The following LTBP4 variants were observed in gnomAD, a reference collection of about 807,000 sequenced individuals.
The protein encoded by LTBP4 is latent-transforming growth factor beta-binding protein 4.
In LTBP4, 93 loss-of-function variants were observed where a neutral mutation model predicts 180.2. The observed-to-expected ratio is 0.52, with a 90% CI of 0.44 to 0.61. The LOEUF (loss-of-function observed/expected upper bound fraction) is 0.61, where lower values mean the gene tolerates loss of function less well. Among genes scored for constraint, LTBP4 ranks in the 20% least tolerant of loss-of-function variants. The probability of loss-of-function intolerance (pLI) is 0.00; values close to 1 mark genes in which losing one functional copy is unlikely to be tolerated. For missense variants in LTBP4, 2,116 were observed against 2,256.5 expected (o/e 0.94, Z 1.26); for synonymous variants, 947 against 934.5 (o/e 1.01, Z -0.24).
chr19:40,610,041 G>C, intron 11 of LTBP4, 170 bp downstream of exon 11: 1 of 926,620 alleles, frequency 1.1e-6, no homozygotes, highest in Non-Finnish European at 1.5e-6. Context: ...CCCAGCTCCA[G>C]CCTCCCTTTG....
At chr19:40,596,169 C>T (rs888189140) in intron 1 of LTBP4, among the ~76,000 whole-genome samples, 1 of 152,102 alleles carries the variant, frequency 6.6e-6, no homozygotes. Context: ...ATCCACCCGC[C>T]TCGGCCTCCC....
intron 26 of LTBP4, among the ~76,000 whole-genome samples, chr19:40,625,224 C>T (rs911827493): frequency 4.7e-5 from 6 of 128,832 alleles, no homozygotes; most frequent in South Asian, 2.5e-4. Flanking sequence ...TCCAGGAGCC[C>T]GCCACCAAGC....
chr19:40,621,634 C>A (rs1393815502), intron 22 of LTBP4, among the ~76,000 whole-genome samples: 2 of 151,624 alleles, frequency 1.3e-5, no homozygotes, highest in Non-Finnish European at 2.9e-5. Context: ...AGGGCTGGAC[C>A]AAGGCAGGGG....
chr19:40,607,929 C>T (rs1243136207), intron 7 of LTBP4, among the ~76,000 whole-genome samples: 6 of 152,226 alleles, frequency 3.9e-5, no homozygotes, highest in African/African-American at 1.4e-4. Flanking sequence ...AACTAAATCT[C>T]ACAAGGGAGC....
At chr19:40,602,596 T>C (rs1240480365) in intron 1 of LTBP4, among the ~76,000 whole-genome samples, 3 of 152,072 alleles carry the variant, frequency 2.0e-5, no homozygotes, top group African/African-American at 7.2e-5. Flanking sequence ...CCTCTTTCTT[T>C]CACTCTTTCC....
At position 40,623,611 on chromosome 19, in the gene LTBP4, C is replaced by T; in HGVS notation, c.3564C>T (p.Asp1188=). The T allele has an allele frequency of 3.1e-6, 5 of 1,613,284 alleles. No homozygotes were observed. The highest frequency in any genetic ancestry group is 1.7e-4 in the Middle Eastern group (1 of 6,058). Residue 1188 remains aspartate, a synonymous_variant, in exon 25 of 30, where the codon GAC becomes GAT. Coordinates refer to ENST00000396819, the MANE Select transcript of LTBP4 (RefSeq NM_001042545.2). ...TCTCTGCTTTTCGCACAGACGTGGA[C>T]GAATGTCAGCTCTTCCGAGACCAGG... ...SGDLSLRRDV[D]ECQLFRDQVC...
At position 40,611,247 on chromosome 19, in the gene LTBP4, C is replaced by T. The variant is rs746479295; in HGVS notation, c.1906C>T (p.Arg636Trp). The change falls in exon 13 of 30, where the codon CGG becomes TGG. Residue 636 changes from arginine (R) to tryptophan (W), a missense_variant. Arg to Trp is a moderately radical substitution (Grantham distance 101). Transcript: ENST00000396819. The surrounding 1 kb of genome is among the most constrained non-coding windows in gnomAD (Gnocchi z 4.4). ...SFRCVCPAGF[R>W]GSACEEDVDE... is the part of the protein sequence containing the mutation. ...CCGCTGTGTTTGCCCGGCTGGCTTC[C>T]GGGGCTCGGCGTGTGAAGAGGATGT... 32 of 1,613,038 alleles carry T rather than the reference C, an allele frequency of 2.0e-5. No homozygotes were observed. The highest frequency in any genetic ancestry group is 4.5e-5 in the East Asian group (2 of 44,880).
intron 1 of LTBP4, among the ~76,000 whole-genome samples, chr19:40,595,905 ATTTTTTTTTTTTT>A (rs60121587): frequency 1.8e-4 from 11 of 60,042 alleles, no homozygotes; most frequent in East Asian, 6.4e-4. Flanking sequence ...TAATTTTTGG[ATTTTTTTTTTTTT>A]TTTTTTTTTT....
chr19:40,622,696 C>A lies in LTBP4; in HGVS notation c.3484+29C>A. The A allele has an allele frequency of 6.3e-7, 1 of 1,575,088 alleles. No individual in the cohort carries two copies. ...GGCATGGGCTGATGGGGACACAGGG[C>A]TGAGGGCTTGGGTGGAAATACTGGG... On this transcript the variant is annotated intron_variant, in intron 23 of 29. Transcript: ENST00000396819. This position sits in a 1 kb window ranked among gnomAD's most constrained non-coding sequence, Gnocchi z 5.1.
intron 7 of LTBP4, 102 bp downstream of exon 7, chr19:40,607,631 T>C: frequency 1.5e-6 from 2 of 1,359,136 alleles, no homozygotes; most frequent in Admixed American, 5.0e-5. Context: ...CCTGACTGGC[T>C]GGGCTCCAGC....
Position 40,609,833 on chromosome 19 carries a change from C to G in LTBP4, c.1646C>G (p.Pro549Arg). The change falls in exon 11 of 30, where the codon CCG becomes CGG. Residue 549 changes from proline (P) to arginine (R), a missense_variant. By Grantham distance (103) the Pro-to-Arg change is moderately radical. Around this residue, in one of 5 missense-constraint regions of LTBP4, gnomAD observed 877 missense variants for 873.6 expected, o/e 1.00. Coordinates refer to ENST00000396819, the MANE Select transcript of LTBP4 (RefSeq NM_001042545.2). This position sits in a 1 kb window ranked among gnomAD's most constrained non-coding sequence, Gnocchi z 4.9. Reference sequence around the variant, plus strand: ...GGCAGCTTCCGCTGCGTGTGCGGCCCGGGCTTCCGAGCCGGCCCACGGGCT... The same window carrying G: ...GGCAGCTTCCGCTGCGTGTGCGGCCGGGGCTTCCGAGCCGGCCCACGGGCT... ...SPGSFRCVCG[P>R]GFRAGPRAAE... is the part of the protein sequence containing the mutation. 6.2e-7 allele frequency: 1 copy of G among 1,600,932 alleles called. No homozygotes were observed. Among genetic ancestry groups the G allele is most frequent in the African/African-American group, 1.3e-5 (1 of 74,740 alleles).
intron 26 of LTBP4, 111 bp downstream of exon 26, chr19:40,624,193 C>G (rs1011617018): frequency 1.6e-6 from 2 of 1,276,658 alleles, no homozygotes; most frequent in Non-Finnish European, 2.1e-6. Flanking sequence ...GCCCCATGCT[C>G]CTGGCTCGAC....
chr19:40,623,095 T>C, intron 24 of LTBP4, 74 bp downstream of exon 24: 1 of 1,160,130 alleles, frequency 8.6e-7, no homozygotes, highest in East Asian at 2.6e-5. Flanking sequence ...TTTCTTTGCC[T>C]CTGTCTCTCA....
At chr19:40,625,294 A>ATTTATATT (rs1568414509) in intron 26 of LTBP4, among the ~76,000 whole-genome samples, 1 of 8,360 alleles carries the variant, frequency 1.2e-4, no homozygotes, top group Non-Finnish European at 1.7e-4. Flanking sequence ...ATATATATAT[A>ATTTATATT]TATATATATA....
rs765063019 is a variant in LTBP4 at position 40,611,191 on chromosome 19, G to A, written c.1850G>A (p.Arg617Gln). 4.3e-6 allele frequency: 7 copies of A among 1,613,980 alleles called. No individual in the cohort carries two copies. Among genetic ancestry groups the A allele is most frequent in the African/African-American group, 1.3e-5 (1 of 75,044 alleles). ...ACCCAGAGCCCAGGCCTGTGTGGCC[G>A]AGGGGCCTGCAAGAACCTGCCTGGC... ...ECTQSPGLCG[R>Q]GACKNLPGSF... Residue 617 changes from arginine (R) to glutamine (Q), a missense_variant, in exon 13 of 30, where the codon CGA becomes CAA. By Grantham distance (43) the Arg-to-Gln change is conservative. Transcript: ENST00000396819. This position sits in a 1 kb window ranked among gnomAD's most constrained non-coding sequence, Gnocchi z 4.4.
chr19:40,608,057 A>G (rs2081476140), intron 7 of LTBP4, among the ~76,000 whole-genome samples, 163 bp from the exon 8 acceptor site: 1 of 152,102 alleles, frequency 6.6e-6, no homozygotes, highest in Non-Finnish European at 1.5e-5. Context: ...AGCCTCTAAG[A>G]CATTCTACTC....
Position 40,611,436 on chromosome 19 carries a change from G to C in LTBP4, c.2053+42G>C. 1 of 1,571,930 alleles carries C rather than the reference G, an allele frequency of 6.4e-7. No individual in the cohort carries two copies. On this transcript the variant is annotated intron_variant, in intron 13 of 29. Transcript: ENST00000396819. This position sits in a 1 kb window ranked among gnomAD's most constrained non-coding sequence, Gnocchi z 4.4. ...CAGCCCTACTCCATCACTGTTTGCT[G>C]TGGAGACTGGAGAGAGATTATTGAG...
Position 40,608,243 on chromosome 19 carries a change from G to A in LTBP4, c.1180G>A (p.Ala394Thr), listed in dbSNP as rs1197091614. Residue 394 changes from alanine to threonine, a missense_variant, in exon 8 of 30, where the codon GCT (alanine) becomes ACT (threonine). Ala to Thr is a moderately conservative substitution (Grantham distance 58). Transcript: ENST00000396819. The part of the protein sequence containing the change: ...GSEGFREICP[A>T]GPGYHYSASD... ...AGAGGGTTTCCGGGAGATCTGCCCG[G>A]CTGGTCCTGGTTACCACTACTCGGC... 4 of 1,613,870 alleles carry A rather than the reference G, an allele frequency of 2.5e-6. No individual in the cohort carries two copies. The highest frequency in any genetic ancestry group is 1.1e-5 in the South Asian group (1 of 91,068).
At position 40,616,871 on chromosome 19, in the gene LTBP4, C is replaced by G; in HGVS notation, c.2813-18C>G. ...TTCAGGCCTTTGACTCCCCTTTCAT[C>G]TCCTCCACACTCTGCAGATGTGGAT... On this transcript the variant is annotated intron_variant, in intron 19 of 29. Coordinates refer to ENST00000396819, the MANE Select transcript of LTBP4 (RefSeq NM_001042545.2). The G allele has an allele frequency of 6.2e-7, 1 of 1,612,872 alleles. No homozygotes were observed.
Sources: gnomAD v4.1 joint callset for allele counts (sites outside exome capture counted in the v4.1 genomes callset) on GRCh38, gnomAD v4.1.1 for gene constraint, gnomAD v4.1.1 regional missense constraint, Gnocchi (gnomAD v3.1) non-coding constraint, MANE v1.5 for transcripts, NCBI Gene and HGNC (gene_info 2026-07-23, HGNC 2026-07-21) for gene names.